SUCLG2: variants seen among roughly 807,000 people sequenced by gnomAD.
The protein encoded by SUCLG2 is succinate-CoA ligase GDP-forming subunit beta, also known as succinate--CoA ligase [GDP-forming] subunit beta, mitochondrial.
Under a neutral mutation model 47.9 loss-of-function variants are expected in SUCLG2, and 42 were observed. The observed-to-expected ratio is 0.88, with a 90% CI of 0.69 to 1.14. The LOEUF is 1.14. Ranked by LOEUF, SUCLG2 falls within the 50% of genes most tolerant of loss-of-function variation. The probability of loss-of-function intolerance (pLI) is 0.00; values close to 1 mark genes in which losing one functional copy is unlikely to be tolerated. For missense variants in SUCLG2, 571 were observed against 525.9 expected, an observed-to-expected ratio of 1.09 and a Z score of -0.84; for synonymous variants, 195 against 197.3, an observed-to-expected ratio of 0.99 and a Z score of 0.10.
chr3:67,435,605 C>T (rs181159550), intron 9 of SUCLG2, among the ~76,000 whole-genome samples: 2 of 152,270 alleles, frequency 1.3e-5, no homozygotes, highest in Admixed American at 6.5e-5. Flanking sequence ...TACACATTAT[C>T]TAAGCCCAAT....
At chr3:67,626,750 T>A (rs1056070004) in intron 1 of SUCLG2, among the ~76,000 whole-genome samples, 5 of 151,640 alleles carry the variant, frequency 3.3e-5, no homozygotes, top group Admixed American at 6.6e-5. Flanking sequence ...CCATCTCTAC[T>A]AAAAATACAA....
intron 2 of SUCLG2, among the ~76,000 whole-genome samples, chr3:67,545,313 G>C (rs553264863): frequency 6.6e-6 from 1 of 152,110 alleles, no homozygotes; most frequent in Non-Finnish European, 1.5e-5. Flanking sequence ...TTTGTAAAGT[G>C]GTCAATGACA....
chr3:67,393,396 C>T (rs182391338), intron 10 of SUCLG2, among the ~76,000 whole-genome samples: 1,868 of 152,244 alleles, frequency 0.012, 38 homozygotes, highest in African/African-American at 0.042. Flanking sequence ...GAGGGTCCTA[C>T]GCCCACGGAG....
At chr3:67,444,292 T>A (rs1575700480) in intron 9 of SUCLG2, among the ~76,000 whole-genome samples, 1 of 58,046 alleles carries the variant, frequency 1.7e-5, no homozygotes, top group African/African-American at 6.3e-5. Context: ...GATGGGGGGG[T>A]CAGCCCTCCC....
chr3:67,458,971 A>T (rs898098553), intron 9 of SUCLG2, among the ~76,000 whole-genome samples: 1 of 152,254 alleles, frequency 6.6e-6, no homozygotes, highest in African/African-American at 2.4e-5. Flanking sequence ...ATAACAAAGT[A>T]GCCTGGAAAG....
intron 9 of SUCLG2, among the ~76,000 whole-genome samples, chr3:67,421,451 G>A (rs904292143): frequency 1.3e-5 from 2 of 152,126 alleles, no homozygotes; most frequent in African/African-American, 2.4e-5. Flanking sequence ...TCTAGTCTTC[G>A]CTCTGCCCTG....
intron 1 of SUCLG2, among the ~76,000 whole-genome samples, chr3:67,646,199 C>T (rs1424896169): frequency 6.6e-6 from 1 of 152,120 alleles, no homozygotes; most frequent in Admixed American, 6.5e-5. Context: ...CTGCTTCAGG[C>T]AGGGAGGAAA....
intron 10 of SUCLG2, among the ~76,000 whole-genome samples, chr3:67,388,117 T>C (rs1333375104): frequency 6.6e-6 from 1 of 152,192 alleles, no homozygotes; most frequent in Non-Finnish European, 1.5e-5. Context: ...TTCAGAAATA[T>C]TGATAACTTC....
chr3:67,449,433 A>G (rs1487790255), intron 9 of SUCLG2, among the ~76,000 whole-genome samples: 8 of 152,208 alleles, frequency 5.3e-5, no homozygotes, highest in Admixed American at 5.2e-4. Flanking sequence ...CTGCAGTCAT[A>G]CAAAGAGCAG....
At position 67,654,529 on chromosome 3, in the gene SUCLG2, G is replaced by T. The variant is rs906402794; in HGVS notation, c.58C>A (p.Pro20Thr). ...GKLLRALALR[P>T]RFLAAGSQAV... Reference sequence around the variant, plus strand: ...TGGGACCCGGCCGCCAGGAAGCGGGGCCGCAGCGCTAGGGCTCGCAGAAGC... The same window carrying T: ...TGGGACCCGGCCGCCAGGAAGCGGGTCCGCAGCGCTAGGGCTCGCAGAAGC... The change falls in exon 1 of 11, where the codon CCC becomes ACC. Residue 20 changes from proline (P) to threonine (T), a missense_variant. Coordinates refer to ENST00000307227, the MANE Select transcript of SUCLG2 (RefSeq NM_003848.4). 3 of 1,255,002 alleles carry T rather than the reference G, an allele frequency of 2.4e-6. No individual in the cohort carries two copies. The highest frequency in any genetic ancestry group is 3.0e-5 in the East Asian group (1 of 32,998). 77.7% of individuals were successfully genotyped at this position (1,255,002 alleles called of 1,614,324 possible).
intron 10 of SUCLG2, among the ~76,000 whole-genome samples, chr3:67,396,514 A>T (rs1461711097): frequency 2.0e-5 from 3 of 152,228 alleles, no homozygotes; most frequent in African/African-American, 7.2e-5. Flanking sequence ...AGGCTCTGAA[A>T]TTGTGGCAAT....
chr3:67,576,152 G>T (rs1309724769), intron 2 of SUCLG2, among the ~76,000 whole-genome samples: 3 of 152,206 alleles, frequency 2.0e-5, no homozygotes, highest in Non-Finnish European at 2.9e-5. Flanking sequence ...CTATTGCCAT[G>T]AGAATAATAA....
At chr3:67,586,494 T>C (rs1673146115) in intron 2 of SUCLG2, among the ~76,000 whole-genome samples, 1 of 152,230 alleles carries the variant, frequency 6.6e-6, no homozygotes, top group Admixed American at 6.5e-5. Flanking sequence ...GAGTCTAATG[T>C]GCCAATTTCA....
At chr3:67,385,336 T>C (rs1702237583) in intron 10 of SUCLG2, among the ~76,000 whole-genome samples, 1 of 152,240 alleles carries the variant, frequency 6.6e-6, no homozygotes. Context: ...GTGGGGCAGC[T>C]ACCCGACCAA....
intron 9 of SUCLG2, among the ~76,000 whole-genome samples, chr3:67,458,413 G>T (rs1032082985): frequency 1.3e-5 from 2 of 152,148 alleles, no homozygotes; most frequent in African/African-American, 4.8e-5. Flanking sequence ...AGTCGAGGGG[G>T]TAGGGCTTTA....
At chr3:67,446,417 ATTTTTT>A (rs750956324) in intron 9 of SUCLG2, among the ~76,000 whole-genome samples, 459 of 32,094 alleles carry the variant, frequency 0.014, 1 homozygote, top group African/African-American at 0.057. Context: ...ACATATGTAC[ATTTTTT>A]TTTTTTTTTT....
chr3:67,400,849 A>C lies in SUCLG2; in HGVS notation c.1065T>G (p.Val355=). Reference sequence around the variant, plus strand: ...CAAATATATTGACAAGGATGGCTTCAACCTGAAATCAAAAATAAAAAGTTA... The same window carrying C: ...CAAATATATTGACAAGGATGGCTTCCACCTGAAATCAAAAATAAAAAGTTA... ...AFKLLTADPK[V]EAILVNIFGG... is the part of the protein sequence containing the mutation. Residue 355 remains valine, a splice_region_variant and synonymous_variant, in exon 10 of 11, where the codon GTT becomes GTG. Coordinates refer to ENST00000307227, the MANE Select transcript of SUCLG2 (RefSeq NM_003848.4). The C allele has an allele frequency of 6.2e-7, 1 of 1,612,570 alleles. No homozygotes were observed. The highest frequency in any genetic ancestry group is 8.5e-7 in the Non-Finnish European group (1 of 1,179,766).
chr3:67,414,681 A>G (rs535892113), intron 9 of SUCLG2, among the ~76,000 whole-genome samples: 1 of 152,258 alleles, frequency 6.6e-6, no homozygotes, highest in South Asian at 2.1e-4. Context: ...ACTAGACAAA[A>G]TGTATCTGAG....
At chr3:67,382,791 C>G (rs113022317) in intron 10 of SUCLG2, among the ~76,000 whole-genome samples, 8,677 of 152,242 alleles carry the variant, frequency 0.057, 320 homozygotes, top group Middle Eastern at 0.13. Flanking sequence ...TAAAGTATTT[C>G]AGCCCCTCTG....
Sources: allele counts gnomAD v4.1 joint callset (sites outside exome capture counted in the v4.1 genomes callset), GRCh38; gene constraint gnomAD v4.1.1; transcripts MANE v1.5; gene names NCBI Gene and HGNC (gene_info 2026-07-23, HGNC 2026-07-21).